ANKMY1: variants seen among roughly 807,000 people sequenced by gnomAD.
ANKMY1 encodes ankyrin repeat and MYND domain-containing protein 1.
Under a neutral mutation model 102.0 loss-of-function variants are expected in ANKMY1, and 98 were observed. That is an observed-to-expected ratio of 0.96 (90% confidence interval 0.82 to 1.14). ANKMY1 has a LOEUF of 1.14. Among genes scored for constraint, ANKMY1 ranks in the 50% most tolerant of loss-of-function variants. ANKMY1 has a pLI of 0.00. For missense variants in ANKMY1, 1,330 were observed against 1,347.6 expected (o/e 0.99, Z 0.20); for synonymous variants, 582 against 559.9 (o/e 1.04, Z -0.56).
At position 240,557,177 on chromosome 2, in the gene ANKMY1, G is replaced by A. The variant is rs745366049; in HGVS notation, c.146+13C>T. 3.5e-4 allele frequency: 520 copies of A among 1,474,518 alleles called. 2 individuals carry two copies. The highest frequency in any genetic ancestry group is 4.6e-4 in the Non-Finnish European group (510 of 1,103,994). 91.3% of individuals were successfully genotyped at this position (1,474,518 alleles called of 1,614,324 possible). On this transcript the variant is annotated intron_variant, in intron 2 of 17. Transcript: ENST00000401804. The stretch of plus-strand genomic sequence containing the variant: ...GTCAGGGTCGGACCTCCCCGCTGGA[G>A]GGTCCCCCGCACCTTGTGGCGAAGA...
In ANKMY1 at chr2:240,523,794, A is replaced by T. The variant is rs116750831; in HGVS notation, c.1832+91T>A. The T allele has an allele frequency of 1.5e-3, 2,199 of 1,514,538 alleles. 2 individuals are homozygous for T. Among genetic ancestry groups the T allele is most frequent in the Non-Finnish European group, 1.8e-3 (2,052 of 1,127,726 alleles). 93.8% of individuals were successfully genotyped at this position (1,514,538 alleles called of 1,614,324 possible). The stretch of plus-strand genomic sequence containing the variant: ...CACATCTCCAGACACAACGCCTCCC[A>T]CTGGCACAGGGAAGAGACGTGGGTC... On this transcript the variant is annotated intron_variant, in intron 8 of 17. Transcript: ENST00000401804.
intron 13 of ANKMY1, 122 bp downstream of exon 13, chr2:240,507,438 C>T (rs2079282776): frequency 1.6e-6 from 2 of 1,251,906 alleles, no homozygotes; most frequent in African/African-American, 1.6e-5. Context: ...TACCCCTCAC[C>T]CAGGGCCACC....
At chr2:240,502,903 G>A (rs982903888) in intron 13 of ANKMY1, among the ~76,000 whole-genome samples, 2 of 142,336 alleles carry the variant, frequency 1.4e-5, no homozygotes, top group Non-Finnish European at 1.5e-5. Flanking sequence ...CCACCTCCAC[G>A]GCCCAATGAC....
At chr2:240,498,844 C>T (rs2077652043) in intron 15 of ANKMY1, among the ~76,000 whole-genome samples, 1 of 152,058 alleles carries the variant, frequency 6.6e-6, no homozygotes, top group Admixed American at 6.5e-5. Context: ...TGGGACACCC[C>T]CGCCTTCTCT....
chr2:240,471,191 T>C, the ANKMY1 span, among the ~76,000 whole-genome samples: 1 of 151,772 alleles, frequency 6.6e-6, no homozygotes, highest in Non-Finnish European at 1.5e-5. Context: ...ACCTAGAGGG[T>C]TTGTCCACAG....
At chr2:240,527,947 T>C (rs1361376917) in intron 5 of ANKMY1, 1 of 152,206 alleles carries the variant, frequency 6.6e-6, no homozygotes, top group Non-Finnish European at 1.5e-5. Context: ...CTGAGGTCAA[T>C]ATTTAGGAAA....
At chr2:240,478,686 A>C (rs1336857765), downstream of ANKMY1, among the ~76,000 whole-genome samples, 1 of 151,522 alleles carries the variant, frequency 6.6e-6, no homozygotes, top group African/African-American at 2.4e-5. Context: ...CCCCCAACAA[A>C]CCCCCAGCAT....
chr2:240,558,090 G>A (rs993299934), upstream of ANKMY1: 5 of 644,122 alleles, frequency 7.8e-6, no homozygotes, highest in African/African-American at 4.0e-5. Context: ...CCCGCCTCCG[G>A]GCGTGCCCGC....
intron 5 of ANKMY1, 42 bp downstream of exon 5, chr2:240,528,995 C>T (rs373369817): frequency 6.3e-7 from 1 of 1,585,022 alleles, no homozygotes; most frequent in East Asian, 2.2e-5. Context: ...GCAGCCTGCA[C>T]AGTGCACGGC....
chr2:240,509,897 ACT>A (rs1385299803), intron 11 of ANKMY1, among the ~76,000 whole-genome samples: 1 of 151,238 alleles, frequency 6.6e-6, no homozygotes, highest in African/African-American at 2.4e-5. Context: ...CTGGTGGAGC[ACT>A]CTCTGCACCA....
intron 8 of ANKMY1, chr2:240,523,131 T>G (rs2082630375): frequency 6.6e-6 from 1 of 152,130 alleles, no homozygotes. Context: ...TCCCATGTTT[T>G]CCGACCCAGA....
chr2:240,548,042 C>T (rs1383797310), intron 4 of ANKMY1, among the ~76,000 whole-genome samples: 6 of 152,186 alleles, frequency 3.9e-5, no homozygotes, highest in Non-Finnish European at 2.9e-5. Flanking sequence ...ATACCAAAGC[C>T]GGGCAGAGAC....
At chr2:240,542,207 G>GAAA (rs1245343137) in intron 4 of ANKMY1, among the ~76,000 whole-genome samples, 1 of 74,402 alleles carries the variant, frequency 1.3e-5, no homozygotes, top group Admixed American at 1.7e-4. Flanking sequence ...CTCCATCTCA[G>GAAA]AAAAAAAAAA....
intron 15 of ANKMY1, among the ~76,000 whole-genome samples, chr2:240,487,370 C>A (rs2076171331): frequency 1.3e-5 from 2 of 152,072 alleles, no homozygotes; most frequent in African/African-American, 4.8e-5. Context: ...TTTCTTTATC[C>A]ATTTATTTGC....
Position 240,479,559 on chromosome 2 carries a change from A to G in ANKMY1, c.*50T>C. Reference sequence around the variant, plus strand: ...CTGAGGTGGCTCAGGCAGGTAAGAAACCCACACAGTCCTGGGTCCTCCCCA... The same window carrying G: ...CTGAGGTGGCTCAGGCAGGTAAGAAGCCCACACAGTCCTGGGTCCTCCCCA... On this transcript the variant is annotated 3_prime_UTR_variant, in exon 18 of 18. Transcript: ENST00000401804. 6.2e-7 allele frequency: 1 copy of G among 1,603,100 alleles called. No homozygotes were observed. The highest frequency in any genetic ancestry group is 8.5e-7 in the Non-Finnish European group (1 of 1,170,984).
rs543046731 is a variant in ANKMY1 at position 240,552,487 on chromosome 2, C to T, written c.480+427G>A. Among the ~76,000 whole-genome samples the T allele has an allele frequency of 3.3e-5, 5 of 152,168 alleles. No individual in the cohort carries two copies. In the East Asian group the frequency reaches 9.7e-4, roughly 29 times the overall value. On this transcript the variant is annotated intron_variant, in intron 4 of 17. Coordinates refer to ENST00000401804, the MANE Select transcript of ANKMY1 (RefSeq NM_001282771.3). ...CTGACTACAGTAGTAGTTACACAAC[C>T]CTGTAATTGTCAAAAATTTCAGAAC...
Position 240,509,389 on chromosome 2 carries a change from G to C in ANKMY1, c.2353C>G (p.His785Asp). The C allele has an allele frequency of 6.2e-7, 1 of 1,613,720 alleles. No homozygotes were observed. Among genetic ancestry groups the C allele is most frequent in the Non-Finnish European group, 8.5e-7 (1 of 1,179,846 alleles). The change falls in exon 12 of 18, where the codon CAC becomes GAC. Residue 785 changes from histidine to aspartate, a missense_variant. By Grantham distance (81) the His-to-Asp change is moderately conservative. Transcript: ENST00000401804. ...GCAATGGACAGGGAGAGCGGGGAGTGGCCACTCCACAGCAGGTTAGGATTT... is the reference window on the plus strand; with the variant it reads ...GCAATGGACAGGGAGAGCGGGGAGTCGCCACTCCACAGCAGGTTAGGATTT... ...GANPNLLWSG[H>D]SPLSLSIASG...
rs539440315 is a variant in ANKMY1, at chr2:240,541,897, G to C, written c.480+11017C>G. Among the ~76,000 whole-genome samples the C allele has an allele frequency of 2.0e-5, 3 of 152,160 alleles. No individual in the cohort carries two copies. In the South Asian group the frequency reaches 6.2e-4, roughly 32 times the overall value. ...TGGCCCAAGTGCTCTTTGGGGTCTG[G>C]GGAGGTTTGGCCTTTAAAAATCAAA... On this transcript the variant is annotated intron_variant, in intron 4 of 17. Coordinates refer to ENST00000401804, the MANE Select transcript of ANKMY1 (RefSeq NM_001282771.3).
chr2:240,554,835 G>C (rs2092100261), intron 3 of ANKMY1, 31 bp downstream of exon 3: 2 of 1,611,840 alleles, frequency 1.2e-6, no homozygotes, highest in African/African-American at 1.3e-5. Flanking sequence ...GGCCCTAGGG[G>C]AGGAGGCGGA....
Sources: gnomAD v4.1 joint callset for allele counts (sites outside exome capture counted in the v4.1 genomes callset) on GRCh38, gnomAD v4.1.1 for gene constraint, MANE v1.5 for transcripts, NCBI Gene and HGNC (gene_info 2026-07-23, HGNC 2026-07-21) for gene names.